The following GAREM1 variants were observed in gnomAD, a reference collection of about 807,000 sequenced individuals.
The protein encoded by GAREM1 is GRB2 associated regulator of MAPK1 subtype 1, also known as GRB2-associated and regulator of MAPK protein 1.
In GAREM1, 26 loss-of-function variants were observed where a neutral mutation model predicts 71.3. The ratio of observed to expected loss-of-function variants is 0.36; its 90% CI spans 0.27 to 0.51. The LOEUF (loss-of-function observed/expected upper bound fraction) is 0.51. Ranked by LOEUF, GAREM1 falls within the 20% of genes least tolerant of loss-of-function variation. GAREM1 has a pLI of 0.95. For missense variants in GAREM1, 1,026 were observed against 1,103.1 expected (o/e 0.93, Z 0.99); for synonymous variants, 440 against 433.2 (o/e 1.02, Z -0.20).
chr18:32,334,493 T>C (rs2047569240), intron 2 of GAREM1, among the ~76,000 whole-genome samples: 1 of 152,170 alleles, frequency 6.6e-6, no homozygotes, highest in African/African-American at 2.4e-5. Context: ...AGGGTCTTAA[T>C]ATTTTTCTAG....
intron 2 of GAREM1, among the ~76,000 whole-genome samples, chr18:32,310,541 T>C (rs2047309698): frequency 6.6e-6 from 1 of 152,200 alleles, no homozygotes. Context: ...GCATTCTTTT[T>C]GTTTACATTG....
intron 3 of GAREM1, among the ~76,000 whole-genome samples, chr18:32,296,934 T>C (rs74920314): frequency 0.024 from 3,717 of 152,268 alleles, 161 homozygotes; most frequent in African/African-American, 0.083. Context: ...GCTTTTACTT[T>C]CAACCAGCAT....
intron 1 of GAREM1, among the ~76,000 whole-genome samples, chr18:32,416,697 T>C (rs566288508): frequency 2.0e-5 from 3 of 152,264 alleles, no homozygotes; most frequent in African/African-American, 7.2e-5. Context: ...TAGACCCTTA[T>C]CTCTTGCCAT....
Position 32,265,825 on chromosome 18 carries a change from C to T in GAREM1, c.*2046G>A, listed in dbSNP as rs757756075. The T allele has an allele frequency of 2.6e-5, 4 of 152,182 alleles. No homozygotes were observed. The highest frequency in any genetic ancestry group is 4.8e-5 in the African/African-American group (2 of 41,436). 9.4% of individuals were successfully genotyped at this position (152,182 alleles called of 1,614,324 possible). ...TGTCCGAGTGCTAAGTATTTTAAAA[C>T]GGATTCAGCTAGGTTTGCCAATGAA... On this transcript the variant is annotated 3_prime_UTR_variant, in exon 6 of 6. Transcript: ENST00000269209.
At chr18:32,279,601 C>T (rs1246140793) in intron 4 of GAREM1, among the ~76,000 whole-genome samples, 1 of 152,112 alleles carries the variant, frequency 6.6e-6, no homozygotes, top group Admixed American at 6.5e-5. Flanking sequence ...ACTGATTCTA[C>T]ATTATGGTGA....
rs1048346042 is a variant in GAREM1, at chr18:32,294,594, C to T, written c.394-6391G>A. On this transcript the variant is annotated intron_variant, in intron 3 of 5. Transcript: ENST00000269209. ...CATTTCCAAAGAGGCACATAATTCT[C>T]ATCATTTATTCAGATCTTTTATTTC... 2.6e-5 allele frequency among the ~76,000 whole-genome samples: 4 copies of T among 152,188 alleles called. No individual in the cohort carries two copies. In the East Asian group the frequency reaches 7.7e-4, roughly 29 times the overall value.
chr18:32,444,260 T>C (rs1475005546), intron 1 of GAREM1, among the ~76,000 whole-genome samples: 1 of 152,218 alleles, frequency 6.6e-6, no homozygotes, highest in African/African-American at 2.4e-5. Context: ...GTGAATTTTA[T>C]AGTATGTGAA....
At chr18:32,385,264 C>G (rs1159195271) in intron 2 of GAREM1, among the ~76,000 whole-genome samples, 1 of 151,590 alleles carries the variant, frequency 6.6e-6, no homozygotes, top group South Asian at 2.1e-4. Flanking sequence ...TACAAAATAT[C>G]TTGGCAAAAA....
intron 1 of GAREM1, among the ~76,000 whole-genome samples, chr18:32,397,274 A>C (rs2048266757): frequency 2.0e-5 from 3 of 152,180 alleles, no homozygotes; most frequent in South Asian, 4.1e-4. Context: ...CTAACATCAT[A>C]ATGACAGGAT....
At chr18:32,409,370 A>G (rs2048396698) in intron 1 of GAREM1, among the ~76,000 whole-genome samples, 1 of 152,188 alleles carries the variant, frequency 6.6e-6, no homozygotes, top group Non-Finnish European at 1.5e-5. Flanking sequence ...TTTTTGGGTG[A>G]GTACTTTATT....
intron 2 of GAREM1, among the ~76,000 whole-genome samples, chr18:32,385,458 GCTGTCCC>G (rs1215641909): frequency 1.3e-5 from 2 of 151,986 alleles, no homozygotes; most frequent in Non-Finnish European, 2.9e-5. Context: ...AGGCCCAGCA[GCTGTCCC>G]CTCTGAGGCT....
chr18:32,385,444 C>A (rs1000062618), intron 2 of GAREM1, among the ~76,000 whole-genome samples: 1 of 152,024 alleles, frequency 6.6e-6, no homozygotes, highest in Admixed American at 6.5e-5. Context: ...CTGATCACCC[C>A]CCTAGGCCCA....
At chr18:32,347,027 T>C (rs991903789) in intron 2 of GAREM1, among the ~76,000 whole-genome samples, 3 of 152,212 alleles carry the variant, frequency 2.0e-5, no homozygotes, top group African/African-American at 7.2e-5. Flanking sequence ...GAAGTCTGAA[T>C]ATAAACTTTC....
chr18:32,358,919 C>A (rs1342813748), intron 2 of GAREM1, among the ~76,000 whole-genome samples: 2 of 152,144 alleles, frequency 1.3e-5, no homozygotes, highest in African/African-American at 2.4e-5. Flanking sequence ...TTAAGAATTT[C>A]AAAACGGCGA....
rs191098175 is a variant in GAREM1 at position 32,427,406 on chromosome 18, A to T, written c.122-34371T>A. ...GTAACCAGCCCCAAATCATTCTGTT[A>T]ATAAATGACAGAGCTGGAGAGAGAA... On this transcript the variant is annotated intron_variant, in intron 1 of 5. Transcript: ENST00000269209. Among the ~76,000 whole-genome samples, 21 of 152,340 alleles carry T rather than the reference A, an allele frequency of 1.4e-4. 1 individual carries two copies. In the East Asian group the frequency reaches 4.0e-3, roughly 29 times the overall value.
In GAREM1 at chr18:32,453,616, A is replaced by G. The variant is rs186327530; in HGVS notation, c.121+16692T>C. On this transcript the variant is annotated intron_variant, in intron 1 of 5. Coordinates refer to ENST00000269209, the MANE Select transcript of GAREM1 (RefSeq NM_001242409.2). ...TCAAATCTCTGTTTGTCTTTCTCTCATAAGTACGTTGTCATTGGATTTAAA... is the reference window on the plus strand; with the variant it reads ...TCAAATCTCTGTTTGTCTTTCTCTCGTAAGTACGTTGTCATTGGATTTAAA... Among the ~76,000 whole-genome samples, 47 of 152,236 alleles carry G rather than the reference A, an allele frequency of 3.1e-4. No individual in the cohort carries two copies. The Middle Eastern group carries it at 0.01, about 33-fold the overall frequency.
intron 2 of GAREM1, among the ~76,000 whole-genome samples, chr18:32,370,840 C>T (rs984963416): frequency 3.3e-5 from 5 of 152,144 alleles, no homozygotes; most frequent in Admixed American, 1.3e-4. Flanking sequence ...CTGCTGTTTA[C>T]AATCTTTATA....
At chr18:32,467,135 A>G (rs1470839171) in intron 1 of GAREM1, among the ~76,000 whole-genome samples, 4 of 152,142 alleles carry the variant, frequency 2.6e-5, no homozygotes, top group Non-Finnish European at 4.4e-5. Context: ...CTACGTTACT[A>G]GGCCCTCAAA....
Position 32,277,643 on chromosome 18 carries a change from C to CA in GAREM1, c.1567-7261dup, listed in dbSNP as rs1433861760. Among the ~76,000 whole-genome samples the CA allele has an allele frequency of 8.5e-5, 13 of 152,296 alleles. No homozygotes were observed. In the East Asian group the frequency reaches 2.5e-3, roughly 29 times the overall value. On this transcript the variant is annotated intron_variant, in intron 4 of 5. Transcript: ENST00000269209. ...TTTTCTTTACTTTCAGAATACTGCC[C>CA]AGGGAGCTTAACGTCATTTCCTGAG...
Sources: allele counts gnomAD v4.1 joint callset (sites outside exome capture counted in the v4.1 genomes callset), GRCh38; gene constraint gnomAD v4.1.1; transcripts MANE v1.5; gene names NCBI Gene and HGNC (gene_info 2026-07-23, HGNC 2026-07-21).